The following HSPA4 variants were observed in gnomAD, a reference collection of about 807,000 sequenced individuals.
HSPA4 encodes heat shock 70 kDa protein 4.
In HSPA4, 25 loss-of-function variants were observed where a neutral mutation model predicts 106.2. That is an observed-to-expected ratio of 0.24 (90% confidence interval 0.17 to 0.33). The LOEUF is 0.33. HSPA4 is among the 10% of genes least tolerant of loss of function. The pLI, the probability that HSPA4 is intolerant of heterozygous loss-of-function variation, is 1.00. For synonymous variants in HSPA4, 332 were observed against 333.6 expected (o/e 1.00, Z 0.05); for missense variants, 841 against 996.0 (o/e 0.84, Z 2.10).
chr5:133,059,146 A>G (rs1765204253), intron 1 of HSPA4, among the ~76,000 whole-genome samples: 1 of 141,688 alleles, frequency 7.1e-6, no homozygotes, highest in Non-Finnish European at 1.5e-5. Context: ...TAATAATAAT[A>G]ATAATAGAAT....
At chr5:133,073,426 G>A (rs962106214) in intron 5 of HSPA4, 97 bp downstream of exon 5, 5 of 767,242 alleles carry the variant, frequency 6.5e-6, no homozygotes, top group Non-Finnish European at 1.1e-5. Flanking sequence ...TTTGCTTTCA[G>A]CACTGCTGCT....
At chr5:133,087,664 C>T (rs1765594900) in intron 8 of HSPA4, among the ~76,000 whole-genome samples, 1 of 152,154 alleles carries the variant, frequency 6.6e-6, no homozygotes, top group African/African-American at 2.4e-5. Flanking sequence ...TGCTCTGTCA[C>T]CCAGGCTGGA....
intron 8 of HSPA4, among the ~76,000 whole-genome samples, chr5:133,087,564 A>G (rs1309336756): frequency 6.6e-6 from 1 of 152,328 alleles, no homozygotes; most frequent in Middle Eastern, 3.4e-3. Context: ...GCAATAGCAG[A>G]TCCTTTGATA....
At position 133,070,514 on chromosome 5, in the gene HSPA4, A is replaced by G. The variant is rs1401783358; in HGVS notation, c.429+18A>G. Reference sequence around the variant, plus strand: ...TTGTTTCGGTGAGTTTGATCCCTATACATTATTGGGAATTTGCATGAAGAA... The same window carrying G: ...TTGTTTCGGTGAGTTTGATCCCTATGCATTATTGGGAATTTGCATGAAGAA... On this transcript the variant is annotated intron_variant, in intron 4 of 18. Transcript: ENST00000304858. 9 of 1,612,446 alleles carry G rather than the reference A, an allele frequency of 5.6e-6. No individual in the cohort carries two copies. Among genetic ancestry groups the G allele is most frequent in the Non-Finnish European group, 7.6e-6 (9 of 1,179,244 alleles).
intron 1 of HSPA4, among the ~76,000 whole-genome samples, chr5:133,055,066 A>G (rs920952933): frequency 4.6e-5 from 7 of 152,196 alleles, no homozygotes; most frequent in Admixed American, 2.0e-4. Context: ...TGTTGCAGAT[A>G]AAAAATTTGC....
rs1025978898 is a variant in HSPA4, at chr5:133,105,317, C to G, written c.*881C>G. 2 of 152,150 alleles carry G rather than the reference C, an allele frequency of 1.3e-5. No homozygotes were observed. Among genetic ancestry groups the G allele is most frequent in the Non-Finnish European group, 2.9e-5 (2 of 68,032 alleles). The allele number at this position is 152,150 out of a possible 1,614,324, so 9.4% of individuals were successfully genotyped here. ...TGAGGTATAGCTTGAACTCCTAGAA[C>G]AAGAGTTAAAAGTTCTTTTTAGCTC... On this transcript the variant is annotated 3_prime_UTR_variant, in exon 19 of 19. Coordinates refer to ENST00000304858, the MANE Select transcript of HSPA4 (RefSeq NM_002154.4).
chr5:133,081,924 A>G (rs1433627834), intron 7 of HSPA4, among the ~76,000 whole-genome samples: 1 of 152,216 alleles, frequency 6.6e-6, no homozygotes, highest in Non-Finnish European at 1.5e-5. Flanking sequence ...GTATTTCTAG[A>G]TACATATTCA....
At chr5:133,063,580 G>A (rs1246840849) in intron 1 of HSPA4, among the ~76,000 whole-genome samples, 4 of 150,138 alleles carry the variant, frequency 2.7e-5, no homozygotes, top group African/African-American at 9.8e-5. Flanking sequence ...ATAGGCGCCC[G>A]CCACCATGCC....
At chr5:133,103,621 T>C (rs1765817683) in intron 17 of HSPA4, among the ~76,000 whole-genome samples, 1 of 152,356 alleles carries the variant, frequency 6.6e-6, no homozygotes, top group East Asian at 1.9e-4. Context: ...CTGTTTATCT[T>C]GTTGAAGCCT....
At chr5:133,057,361 T>C (rs1316811516) in intron 1 of HSPA4, among the ~76,000 whole-genome samples, 2 of 118,162 alleles carry the variant, frequency 1.7e-5, no homozygotes, top group Non-Finnish European at 3.2e-5. Flanking sequence ...TCTGCGTACC[T>C]TTTTTTTTTT....
chr5:133,067,323 A>G (rs1009197727), intron 2 of HSPA4, 94 bp from the exon 3 acceptor site: 4 of 1,097,460 alleles, frequency 3.6e-6, no homozygotes, highest in Non-Finnish European at 5.3e-6. Context: ...GAGACTCTAT[A>G]TAAAGTTAAA....
At chr5:133,094,537 G>GT (rs933718039) in intron 13 of HSPA4, among the ~76,000 whole-genome samples, 3 of 152,194 alleles carry the variant, frequency 2.0e-5, no homozygotes, top group African/African-American at 7.2e-5. Context: ...GACCCTTTAT[G>GT]TTGTTGGGTG....
chr5:133,074,239 AGG>A (rs1765420291), intron 6 of HSPA4, 113 bp downstream of exon 6: 2 of 554,240 alleles, frequency 3.6e-6, no homozygotes, highest in Admixed American at 6.7e-5. Flanking sequence ...CATACCTTAC[AGG>A]GTTATTCAGA....
At position 133,052,117 on chromosome 5, in the gene HSPA4, G is replaced by A. The variant is rs1322439276; in HGVS notation, c.-134G>A. ...CAGTACCCACTGGAAGGACTTAGGC[G>A]CTCGCGTGGACACCGCAAGCCCCTC... On this transcript the variant is annotated 5_prime_UTR_variant, in exon 1 of 19. Coordinates refer to ENST00000304858, the MANE Select transcript of HSPA4 (RefSeq NM_002154.4). The A allele has an allele frequency of 4.8e-6, 3 of 628,586 alleles. No homozygotes were observed. Among genetic ancestry groups the A allele is most frequent in the South Asian group, 3.7e-5 (2 of 54,746 alleles). 38.9% of individuals were successfully genotyped at this position (628,586 alleles called of 1,614,324 possible).
At chr5:133,083,733 C>T (rs560976269) in intron 7 of HSPA4, among the ~76,000 whole-genome samples, 1 of 152,186 alleles carries the variant, frequency 6.6e-6, no homozygotes, top group Admixed American at 6.5e-5. Flanking sequence ...GATGTTGTTT[C>T]TCCGTGTTGG....
At chr5:133,064,922 C>T in intron 1 of HSPA4, 58 bp from the exon 2 acceptor site, 2 of 1,428,646 alleles carry the variant, frequency 1.4e-6, no homozygotes, top group Non-Finnish European at 2.0e-6. Flanking sequence ...GCCTGCTATG[C>T]TTTTGGATTT....
Position 133,104,267 on chromosome 5 carries a change from A to T in HSPA4, c.2354A>T (p.Lys785Met), listed in dbSNP as rs980578114. The change falls in exon 19 of 19, where the codon AAG (lysine) becomes ATG (methionine). Residue 785 changes from lysine (K) to methionine (M), a missense_variant. Around this residue, in one of 5 missense-constraint regions of HSPA4, gnomAD observed 328 missense variants for 372.2 expected, o/e 0.88. Coordinates refer to ENST00000304858, the MANE Select transcript of HSPA4 (RefSeq NM_002154.4). ...LTSTCSPIIS[K>M]PKPKVEPPKE... Reference sequence around the variant, plus strand: ...AGTACTTGTAGCCCTATAATTTCAAAGCCCAAACCCAAAGTGGAACCTCCA... The same window carrying T: ...AGTACTTGTAGCCCTATAATTTCAATGCCCAAACCCAAAGTGGAACCTCCA... The T allele has an allele frequency of 1.2e-6, 2 of 1,614,050 alleles. No individual in the cohort carries two copies. The highest frequency in any genetic ancestry group is 1.3e-5 in the African/African-American group (1 of 74,916).
chr5:133,082,232 C>T (rs544809688), intron 7 of HSPA4, among the ~76,000 whole-genome samples: 1 of 152,214 alleles, frequency 6.6e-6, no homozygotes, highest in South Asian at 2.1e-4. Context: ...TCTATAGAGA[C>T]AGAAAGTAGA....
At chr5:133,052,694 C>G (rs757419549) in intron 1 of HSPA4, 268 of 263,404 alleles carry the variant, frequency 1.0e-3, no homozygotes, top group Admixed American at 2.2e-3. Context: ...TTCTTGAGGG[C>G]AGAGACCAGG....
Sources: allele counts gnomAD v4.1 joint callset (sites outside exome capture counted in the v4.1 genomes callset), GRCh38; gene constraint gnomAD v4.1.1; regional missense constraint gnomAD v4.1.1; transcripts MANE v1.5; gene names NCBI Gene and HGNC (gene_info 2026-07-23, HGNC 2026-07-21).